The following CELF1 variants were observed in gnomAD, a reference collection of about 807,000 sequenced individuals.
CELF1 encodes the protein CUGBP Elav-like family member 1, also known as 50 kDa nuclear polyadenylated RNA-binding protein.
In CELF1, 10 loss-of-function variants were observed where a neutral mutation model predicts 61.8. That is an observed-to-expected ratio of 0.16 (90% CI 0.10 to 0.27). CELF1 has a LOEUF of 0.27. CELF1 is among the 10% of genes least tolerant of loss of function. The pLI, the probability that CELF1 is intolerant of heterozygous loss-of-function variation, is 1.00. For synonymous variants in CELF1, 236 were observed against 225.1 expected, an observed-to-expected ratio of 1.05 and a Z score of -0.43; for missense variants, 380 against 639.1, an observed-to-expected ratio of 0.59 and a Z score of 4.37.
At chr11:47,552,122 C>T (rs1404775313) in intron 1 of CELF1, among the ~76,000 whole-genome samples, 2 of 152,190 alleles carry the variant, frequency 1.3e-5, no homozygotes, top group Non-Finnish European at 2.9e-5. Context: ...TGTTATACAG[C>T]CTTTTTACTC....
chr11:47,528,517 G>A (rs1017953047), intron 1 of CELF1, among the ~76,000 whole-genome samples: 4 of 152,144 alleles, frequency 2.6e-5, no homozygotes, highest in South Asian at 2.1e-4. Flanking sequence ...TTGGGAGGCC[G>A]AGGTGGGAGG....
intron 13 of CELF1, among the ~76,000 whole-genome samples, chr11:47,474,933 A>G (rs2079330257): frequency 6.6e-6 from 1 of 152,202 alleles, no homozygotes; most frequent in Non-Finnish European, 1.5e-5. Flanking sequence ...TCAATCAGAA[A>G]GTGAGGAAAA....
chr11:47,518,268 G>C (rs950106894), intron 1 of CELF1, among the ~76,000 whole-genome samples: 3 of 152,162 alleles, frequency 2.0e-5, no homozygotes, highest in African/African-American at 7.2e-5. Flanking sequence ...TAACGTTCAT[G>C]CAGCTGGGAC....
At chr11:47,522,789 G>A (rs1186489430) in intron 1 of CELF1, among the ~76,000 whole-genome samples, 1 of 148,314 alleles carries the variant, frequency 6.7e-6, no homozygotes, top group Non-Finnish European at 1.5e-5. Context: ...TCGTGCCACT[G>A]CACTCCAGCC....
At chr11:47,548,860 C>T (rs1315140060) in intron 1 of CELF1, among the ~76,000 whole-genome samples, 1 of 103,644 alleles carries the variant, frequency 9.6e-6, no homozygotes, top group East Asian at 3.1e-4. Context: ...AGCAAGACTC[C>T]ATCTCAAAAA....
chr11:47,523,966 C>T (rs1013953042), intron 1 of CELF1: 4 of 152,176 alleles, frequency 2.6e-5, no homozygotes, highest in African/African-American at 9.7e-5. Flanking sequence ...CATGTCATGT[C>T]TTCTGCTATT....
intron 1 of CELF1, among the ~76,000 whole-genome samples, chr11:47,552,476 G>C (rs2097164081): frequency 6.6e-6 from 1 of 152,230 alleles, no homozygotes. Flanking sequence ...AGGCCGTAGC[G>C]GATCTGGGGC....
At chr11:47,535,398 G>T (rs1413695438) in intron 1 of CELF1, among the ~76,000 whole-genome samples, 1 of 152,064 alleles carries the variant, frequency 6.6e-6, no homozygotes, top group Non-Finnish European at 1.5e-5. Flanking sequence ...TATGTCTTGG[G>T]CTGGGCGAGA....
chr11:47,548,154 C>G (rs1212840442), intron 1 of CELF1, among the ~76,000 whole-genome samples: 1 of 151,908 alleles, frequency 6.6e-6, no homozygotes. Flanking sequence ...CAAAAATTAG[C>G]CAGGCACAGT....
intron 1 of CELF1, among the ~76,000 whole-genome samples, chr11:47,522,626 G>A (rs1252911846): frequency 1.3e-5 from 2 of 152,028 alleles, no homozygotes; most frequent in South Asian, 2.1e-4. Flanking sequence ...TCAGGAGTTC[G>A]AGACCAGCCT....
chr11:47,534,855 C>A (rs542879459), intron 1 of CELF1, among the ~76,000 whole-genome samples: 1 of 152,306 alleles, frequency 6.6e-6, no homozygotes, highest in South Asian at 2.1e-4. Flanking sequence ...AACTGCCACT[C>A]CCAGCTAAAT....
chr11:47,486,689 T>C (rs1596476892), intron 6 of CELF1, 61 bp downstream of exon 6: 1 of 1,353,212 alleles, frequency 7.4e-7, no homozygotes, highest in African/African-American at 1.4e-5. Context: ...ATTACAGGTG[T>C]GAGCCACCGT....
At chr11:47,530,127 T>C (rs944832923) in intron 1 of CELF1, among the ~76,000 whole-genome samples, 2 of 152,202 alleles carry the variant, frequency 1.3e-5, no homozygotes, top group African/African-American at 4.8e-5. Context: ...TTTAGAGGCT[T>C]AACTAGTAAA....
At chr11:47,517,889 G>C (rs374258429) in intron 1 of CELF1, among the ~76,000 whole-genome samples, 54 of 152,142 alleles carry the variant, frequency 3.5e-4, no homozygotes, top group African/African-American at 1.2e-3. Context: ...CCTGACCTTA[G>C]GTGATCGACC....
rs139899344 is a variant in CELF1, at chr11:47,476,736, T to C, written c.1087+110A>G. On this transcript the variant is annotated intron_variant, in intron 12 of 14. Transcript: ENST00000687097. Reference sequence around the variant, plus strand: ...CCACCACACCTGGCCCTCATGATTATTTTTAACTTCACTGGGCCACTGCAA... The same window carrying C: ...CCACCACACCTGGCCCTCATGATTACTTTTAACTTCACTGGGCCACTGCAA... The C allele has an allele frequency of 2.6e-4, 226 of 864,130 alleles. No individual in the cohort carries two copies. The East Asian group carries it at 5.2e-3, about 20-fold the overall frequency. 53.5% of individuals were successfully genotyped at this position (864,130 alleles called of 1,614,324 possible).
chr11:47,550,353 A>G (rs1465746077), intron 1 of CELF1, among the ~76,000 whole-genome samples: 2 of 152,006 alleles, frequency 1.3e-5, no homozygotes, highest in Non-Finnish European at 2.9e-5. Context: ...CAACATGGTG[A>G]AACCCCATCT....
At chr11:47,543,482 C>T (rs1353945475) in intron 1 of CELF1, among the ~76,000 whole-genome samples, 3 of 152,208 alleles carry the variant, frequency 2.0e-5, no homozygotes, top group Non-Finnish European at 4.4e-5. Flanking sequence ...AATATGTACT[C>T]ATGGCCTCCA....
chr11:47,563,535 C>T (rs185727645), intron 2 of CELF1, among the ~76,000 whole-genome samples: 1 of 151,690 alleles, frequency 6.6e-6, no homozygotes. Flanking sequence ...AAAACACACA[C>T]AAAATTAGCC....
At chr11:47,552,013 TAA>T (rs78697230) in intron 1 of CELF1, among the ~76,000 whole-genome samples, 1,365 of 127,042 alleles carry the variant, frequency 0.011, 19 homozygotes, top group African/African-American at 0.036. Context: ...AACTCCGTCT[TAA>T]AAAAAAAAAA....
Sources: gnomAD v4.1 joint callset for allele counts (sites outside exome capture counted in the v4.1 genomes callset) on GRCh38, gnomAD v4.1.1 for gene constraint, MANE v1.5 for transcripts, NCBI Gene and HGNC (gene_info 2026-07-23, HGNC 2026-07-21) for gene names.